Variants in MSRA observed in about 807,000 individuals in gnomAD.
MSRA encodes the protein methionine sulfoxide reductase A.
Under a neutral mutation model 31.3 loss-of-function variants are expected in MSRA, and 54 were observed. The observed-to-expected ratio is 1.73, with a 90% CI of 1.39 to 2.17. The LOEUF (loss-of-function observed/expected upper bound fraction) is 2.17, where lower values mean the gene tolerates loss of function less well. MSRA is among the 30% of genes most tolerant of loss of function. The pLI is 0.00. For missense variants in MSRA, 507 were observed against 300.9 expected, an observed-to-expected ratio of 1.69 and a Z score of -5.07; for synonymous variants, 169 against 116.5, an observed-to-expected ratio of 1.45 and a Z score of -2.90.
intron 1 of MSRA, among the ~76,000 whole-genome samples, chr8:10,177,023 C>A (rs1806110677): frequency 6.6e-6 from 1 of 152,220 alleles, no homozygotes; most frequent in African/African-American, 2.4e-5. Flanking sequence ...GCTCCTGTTT[C>A]TCAATAGAGA....
intron 1 of MSRA, among the ~76,000 whole-genome samples, chr8:10,116,095 G>T (rs1332117478): frequency 2.0e-5 from 3 of 152,106 alleles, no homozygotes; most frequent in African/African-American, 7.2e-5. Flanking sequence ...ATGGTGCATG[G>T]CTTGAAGCTA....
chr8:10,204,717 A>G (rs28660563), intron 1 of MSRA, among the ~76,000 whole-genome samples: 75,787 of 152,088 alleles, frequency 0.5, 19,397 homozygotes, highest in African/African-American at 0.63. Context: ...GCATAACTGT[A>G]TATATGTATT....
intron 1 of MSRA, among the ~76,000 whole-genome samples, chr8:10,114,892 T>A (rs898349215): frequency 6.6e-6 from 1 of 152,218 alleles, no homozygotes; most frequent in Non-Finnish European, 1.5e-5. Context: ...AAATGATGAT[T>A]AAGTTCAACT....
intron 5 of MSRA, among the ~76,000 whole-genome samples, chr8:10,372,704 C>T (rs1268269312): frequency 6.6e-6 from 1 of 152,068 alleles, no homozygotes; most frequent in Admixed American, 6.5e-5. Flanking sequence ...GGAGGTGCCC[C>T]CAGGAATTTG....
intron 1 of MSRA, among the ~76,000 whole-genome samples, chr8:10,086,878 G>A (rs1798584533): frequency 6.6e-6 from 1 of 150,972 alleles, no homozygotes; most frequent in Non-Finnish European, 1.5e-5. Context: ...GAGGGAGAGG[G>A]AGAGAGAGAG....
intron 3 of MSRA, among the ~76,000 whole-genome samples, chr8:10,290,689 T>C (rs1278883497): frequency 1.3e-5 from 2 of 152,218 alleles, no homozygotes; most frequent in Admixed American, 6.5e-5. Flanking sequence ...ACCACTCTCC[T>C]TGTGTAGCCC....
chr8:10,101,109 G>C (rs187153354), intron 1 of MSRA, among the ~76,000 whole-genome samples: 3 of 152,166 alleles, frequency 2.0e-5, no homozygotes, highest in African/African-American at 4.8e-5. Flanking sequence ...TCTTGGGTTA[G>C]AGATAATGTT....
intron 3 of MSRA, among the ~76,000 whole-genome samples, chr8:10,277,446 A>C (rs954947952): frequency 6.6e-6 from 1 of 152,176 alleles, no homozygotes; most frequent in African/African-American, 2.4e-5. Flanking sequence ...TAGGAAATTG[A>C]GGAGGAAACT....
At chr8:10,352,798 C>T (rs923798065) in intron 5 of MSRA, among the ~76,000 whole-genome samples, 9 of 152,082 alleles carry the variant, frequency 5.9e-5, no homozygotes, top group African/African-American at 1.7e-4. Flanking sequence ...GGGATCAGAA[C>T]GCGTGCCAGA....
intron 5 of MSRA, among the ~76,000 whole-genome samples, chr8:10,425,719 G>T: frequency 6.6e-6 from 1 of 152,246 alleles, no homozygotes; most frequent in Non-Finnish European, 1.5e-5. Flanking sequence ...GCCGCGGAGT[G>T]GGTAGGTCCT....
At chr8:10,093,835 A>G (rs1168890588) in intron 1 of MSRA, among the ~76,000 whole-genome samples, 1 of 152,178 alleles carries the variant, frequency 6.6e-6, no homozygotes, top group Non-Finnish European at 1.5e-5. Context: ...TTTATTTGGA[A>G]TGTCTTAATG....
At chr8:10,252,308 A>G (rs1052539726) in intron 3 of MSRA, among the ~76,000 whole-genome samples, 1 of 152,134 alleles carries the variant, frequency 6.6e-6, no homozygotes, top group African/African-American at 2.4e-5. Context: ...AGTGAGGTGG[A>G]CAGTCAAGGA....
At chr8:10,189,865 T>C (rs893545534) in intron 1 of MSRA, among the ~76,000 whole-genome samples, 1 of 152,238 alleles carries the variant, frequency 6.6e-6, no homozygotes, top group African/African-American at 2.4e-5. Context: ...TCCCCCTTCC[T>C]CTTTTTTCAA....
At chr8:10,311,329 A>G (rs1315250971) in intron 4 of MSRA, among the ~76,000 whole-genome samples, 3 of 152,250 alleles carry the variant, frequency 2.0e-5, no homozygotes, top group African/African-American at 7.2e-5. Flanking sequence ...AGGTAAGCAG[A>G]GGATTAGATA....
chr8:10,399,936 C>T (rs369792387), intron 5 of MSRA, among the ~76,000 whole-genome samples: 17 of 152,050 alleles, frequency 1.1e-4, no homozygotes, highest in African/African-American at 1.7e-4. Context: ...CTGTTGGAGC[C>T]GCTTTGGAAG....
chr8:10,163,705 C>T (rs936129690), intron 1 of MSRA, among the ~76,000 whole-genome samples: 3 of 152,188 alleles, frequency 2.0e-5, no homozygotes, highest in South Asian at 4.1e-4. Context: ...GTCTATTTAT[C>T]GATAAGAGTG....
intron 5 of MSRA, among the ~76,000 whole-genome samples, chr8:10,378,440 C>T (rs759037679): frequency 3.3e-5 from 5 of 152,214 alleles, no homozygotes; most frequent in Admixed American, 6.5e-5. Flanking sequence ...TGATAATTCT[C>T]AGTCTCTGTG....
intron 1 of MSRA, among the ~76,000 whole-genome samples, chr8:10,154,099 C>G (rs1803946236): frequency 6.6e-6 from 1 of 152,164 alleles, no homozygotes; most frequent in Admixed American, 6.5e-5. Context: ...ATCCTTAACC[C>G]ATAATATAGA....
chr8:10,143,890 A>G (rs555458558), intron 1 of MSRA, among the ~76,000 whole-genome samples: 1 of 152,114 alleles, frequency 6.6e-6, no homozygotes, highest in South Asian at 2.1e-4. Context: ...TTTCTTTCTC[A>G]TCGATTTTGT....
Sources: gnomAD v4.1 joint callset for allele counts (sites outside exome capture counted in the v4.1 genomes callset) on GRCh38, gnomAD v4.1.1 for gene constraint, MANE v1.5 for transcripts, NCBI Gene and HGNC (gene_info 2026-07-23, HGNC 2026-07-21) for gene names.